RIPOR2: variants seen among roughly 807,000 people sequenced by gnomAD.
RIPOR2 encodes the protein RHO family interacting cell polarization regulator 2, also known as rho family-interacting cell polarization regulator 2.
A neutral mutation model predicts 114.5 loss-of-function variants in RIPOR2; 39 were observed. That is an observed-to-expected ratio of 0.34 (90% CI 0.26 to 0.44). The LOEUF is 0.44. Among genes scored for constraint, RIPOR2 ranks in the 20% least tolerant of loss-of-function variants. The probability of loss-of-function intolerance (pLI) is 1.00; values close to 1 mark genes in which losing one functional copy is unlikely to be tolerated. For missense variants in RIPOR2, 1,007 were observed against 1,255.1 expected, an observed-to-expected ratio of 0.80 and a Z score of 2.99; for synonymous variants, 445 against 484.4, an observed-to-expected ratio of 0.92 and a Z score of 1.07.
chr6:24,951,707 G>A (rs760934942), intron 1 of RIPOR2, among the ~76,000 whole-genome samples: 6 of 152,160 alleles, frequency 3.9e-5, no homozygotes, highest in East Asian at 3.8e-4. Flanking sequence ...TTGGTGGGGC[G>A]GAGTTTTTAA....
intron 9 of RIPOR2, among the ~76,000 whole-genome samples, chr6:24,851,423 C>T (rs1459144407): frequency 1.3e-5 from 2 of 152,126 alleles, no homozygotes; most frequent in Non-Finnish European, 2.9e-5. Context: ...TAAAGACATC[C>T]TTACTCTGGA....
chr6:24,805,577 G>GC lies in RIPOR2; in HGVS notation c.*795dup, dbSNP rs1562203833. On this transcript the variant is annotated 3_prime_UTR_variant, in exon 22 of 22. Transcript: ENST00000643898. ...CTAATGGGTCATTTTGCCAGGTTCT[G>GC]CAGGCAAACTTTTATTTGAAGATAT... The GC allele has an allele frequency of 1.5e-5, 2 of 137,336 alleles. No individual in the cohort carries two copies. The highest frequency in any genetic ancestry group is 5.1e-5 in the African/African-American group (2 of 39,136). 8.5% of individuals were successfully genotyped at this position (137,336 alleles called of 1,614,324 possible).
chr6:24,917,005 A>G (rs1334248142), intron 1 of RIPOR2, among the ~76,000 whole-genome samples: 1 of 152,202 alleles, frequency 6.6e-6, no homozygotes, highest in Non-Finnish European at 1.5e-5. Flanking sequence ...TATTCTCTAA[A>G]TATAGCAGTC....
rs77388146 is a variant in RIPOR2, at chr6:25,000,758, C to T, written c.76+41093G>A. 1.8e-3 allele frequency among the ~76,000 whole-genome samples: 271 copies of T among 152,210 alleles called. 5 individuals carry two copies. The East Asian group carries it at 0.027, about 15-fold the overall frequency. On this transcript the variant is annotated intron_variant, in intron 1 of 13. Coordinates refer to the RIPOR2 transcript ENST00000510784. ...GAATCCAGCACTGAGCCTGCTGCCC[C>T]GAAGTTCCCCAGCATTGCTGCTTTT... is the stretch of plus-strand genomic sequence containing the variant.
chr6:24,984,191 G>C (rs1053685965), intron 1 of RIPOR2, among the ~76,000 whole-genome samples: 1 of 152,228 alleles, frequency 6.6e-6, no homozygotes, highest in Non-Finnish European at 1.5e-5. Flanking sequence ...TCACGCGTCC[G>C]TGTGAAGAGA....
intron 17 of RIPOR2, 142 bp from the exon 18 acceptor site, chr6:24,828,437 CA>C (rs1188962143): frequency 1.6e-6 from 1 of 621,558 alleles, no homozygotes; most frequent in Non-Finnish European, 2.5e-6. Context: ...CTCCTGGGCT[CA>C]AGCAGTCCTC....
At chr6:24,956,974 C>T (rs1345779549) in intron 1 of RIPOR2, among the ~76,000 whole-genome samples, 1 of 152,216 alleles carries the variant, frequency 6.6e-6, no homozygotes, top group Admixed American at 6.5e-5. Flanking sequence ...AACAACCTAT[C>T]GTTTCTCCAC....
chr6:24,844,985 C>G (rs1762114476), intron 12 of RIPOR2, among the ~76,000 whole-genome samples: 1 of 151,904 alleles, frequency 6.6e-6, no homozygotes, highest in African/African-American at 2.4e-5. Flanking sequence ...AGCTGGGTCC[C>G]TGGTCCCATT....
At position 24,843,035 on chromosome 6, in the gene RIPOR2, G is replaced by A. The variant is rs754343740; in HGVS notation, c.1684C>T (p.Leu562=). The A allele has an allele frequency of 6.2e-7, 1 of 1,610,378 alleles. No individual in the cohort carries two copies. The highest frequency in any genetic ancestry group is 8.5e-7 in the Non-Finnish European group (1 of 1,177,076). Residue 562 remains leucine, a synonymous_variant, in exon 13 of 22, where the codon CTG becomes TTG. Coordinates refer to ENST00000643898, the MANE Select transcript of RIPOR2 (RefSeq NM_001286445.3). ...SAEVPMATDR[L]LSEGSVGGES... is the part of the protein sequence containing the mutation. ...CCACCAACAGAACCCTCAGAGAGCA[G>A]CCTGTCTGTGGCCATTGGCACCTCT...
At chr6:24,871,538 G>C (rs1475951742) in intron 4 of RIPOR2, among the ~76,000 whole-genome samples, 1 of 152,142 alleles carries the variant, frequency 6.6e-6, no homozygotes, top group Non-Finnish European at 1.5e-5. Flanking sequence ...TTTTAGTAGA[G>C]ACAGGGTCTC....
chr6:24,946,429 G>A (rs1267370569), intron 1 of RIPOR2, among the ~76,000 whole-genome samples: 3 of 151,828 alleles, frequency 2.0e-5, no homozygotes, highest in South Asian at 2.1e-4. Context: ...ATACCTTCAC[G>A]CATTGGAAAC....
intron 1 of RIPOR2, among the ~76,000 whole-genome samples, chr6:24,909,038 CAGTATGT>C (rs1230105120): frequency 6.6e-6 from 1 of 152,144 alleles, no homozygotes; most frequent in Non-Finnish European, 1.5e-5. Context: ...GCAACATATG[CAGTATGT>C]TTTTGCTAAA....
chr6:25,011,107 TG>T (rs1445691918), intron 1 of RIPOR2, among the ~76,000 whole-genome samples: 1 of 152,234 alleles, frequency 6.6e-6, no homozygotes, highest in African/African-American at 2.4e-5. Flanking sequence ...AAAAAAAATT[TG>T]TTTTTACAAT....
intron 1 of RIPOR2, among the ~76,000 whole-genome samples, chr6:24,943,092 A>G (rs1193409247): frequency 6.6e-6 from 1 of 152,238 alleles, no homozygotes; most frequent in Non-Finnish European, 1.5e-5. Context: ...GAACCAAGCC[A>G]AATGTCCCAC....
At chr6:25,005,077 A>C (rs1775493504) in intron 1 of RIPOR2, among the ~76,000 whole-genome samples, 2 of 151,960 alleles carry the variant, frequency 1.3e-5, no homozygotes. Flanking sequence ...CATGGTATTA[A>C]TTAGTGAATT....
intron 1 of RIPOR2, among the ~76,000 whole-genome samples, chr6:24,999,928 C>T (rs1775225917): frequency 6.6e-6 from 1 of 152,158 alleles, no homozygotes; most frequent in East Asian, 1.9e-4. Context: ...AGGTCTCAAC[C>T]ATGTTTGGGG....
intron 1 of RIPOR2, among the ~76,000 whole-genome samples, chr6:24,957,031 T>A (rs1773070618): frequency 6.6e-6 from 1 of 152,242 alleles, no homozygotes; most frequent in Non-Finnish European, 1.5e-5. Flanking sequence ...TCTCTTGACT[T>A]CTCTGAAAAC....
intron 7 of RIPOR2, among the ~76,000 whole-genome samples, chr6:24,862,868 T>C (rs1764212268): frequency 6.7e-6 from 1 of 148,806 alleles, no homozygotes; most frequent in Non-Finnish European, 1.5e-5. Flanking sequence ...TGAGCCTACC[T>C]TGACCTCATT....
intron 1 of RIPOR2, among the ~76,000 whole-genome samples, chr6:24,932,876 G>A (rs996553926): frequency 2.6e-5 from 4 of 152,156 alleles, no homozygotes; most frequent in African/African-American, 4.8e-5. Flanking sequence ...GAAAGTATGC[G>A]TGAATCCTAG....
Sources: gnomAD v4.1 joint callset for allele counts (sites outside exome capture counted in the v4.1 genomes callset) on GRCh38, gnomAD v4.1.1 for gene constraint, MANE v1.5 for transcripts, NCBI Gene and HGNC (gene_info 2026-07-23, HGNC 2026-07-21) for gene names.